The following CTNNA3 variants were observed in gnomAD, a reference collection of about 807,000 sequenced individuals.
The protein encoded by CTNNA3 is catenin alpha-3.
Under a neutral mutation model 95.7 loss-of-function variants are expected in CTNNA3, and 76 were observed. The observed-to-expected ratio is 0.79, with a 90% confidence interval of 0.66 to 0.96. The LOEUF is 0.96. Among genes scored for constraint, CTNNA3 ranks in the 40% least tolerant of loss-of-function variants. The pLI is 0.00. For missense variants in CTNNA3, 1,191 were observed against 1,089.8 expected, an observed-to-expected ratio of 1.09 and a Z score of -1.31; for synonymous variants, 431 against 374.4, an observed-to-expected ratio of 1.15 and a Z score of -1.74.
chr10:65,926,308 G>A (rs186218403), intron 17 of CTNNA3, among the ~76,000 whole-genome samples: 6 of 151,848 alleles, frequency 4.0e-5, no homozygotes. Context: ...GAATATTCTA[G>A]TATGTGTCTT....
intron 6 of CTNNA3, among the ~76,000 whole-genome samples, chr10:67,181,903 T>C (rs1263399999): frequency 6.6e-6 from 1 of 152,054 alleles, no homozygotes; most frequent in Non-Finnish European, 1.5e-5. Flanking sequence ...TTGAGTGAGT[T>C]TCTTAATCCT....
At chr10:66,649,870 C>A (rs898596008) in intron 9 of CTNNA3, among the ~76,000 whole-genome samples, 1 of 152,142 alleles carries the variant, frequency 6.6e-6, no homozygotes, top group Admixed American at 6.6e-5. Context: ...ACCTTGGGAC[C>A]CAGCCTCCAG....
intron 7 of CTNNA3, among the ~76,000 whole-genome samples, chr10:66,790,381 C>A (rs1840922790): frequency 6.6e-6 from 1 of 151,970 alleles, no homozygotes; most frequent in Non-Finnish European, 1.5e-5. Flanking sequence ...GCAGAGGTTG[C>A]AGTGAGCCGA....
chr10:66,944,169 C>G (rs920217784), intron 7 of CTNNA3, among the ~76,000 whole-genome samples: 1 of 152,210 alleles, frequency 6.6e-6, no homozygotes, highest in Non-Finnish European at 1.5e-5. Context: ...AGTCAATCCT[C>G]TCAAACTCTG....
chr10:67,104,177 G>A (rs1465585741), intron 7 of CTNNA3, among the ~76,000 whole-genome samples: 1 of 151,658 alleles, frequency 6.6e-6, no homozygotes, highest in Non-Finnish European at 1.5e-5. Flanking sequence ...ATGGATGAAT[G>A]GTCAATAAAG....
At chr10:66,381,571 A>C (rs2092838907) in intron 11 of CTNNA3, among the ~76,000 whole-genome samples, 1 of 152,158 alleles carries the variant, frequency 6.6e-6, no homozygotes, top group Non-Finnish European at 1.5e-5. Context: ...TGAATGAATG[A>C]ATGAATGAAT....
intron 5 of CTNNA3, among the ~76,000 whole-genome samples, chr10:67,468,957 T>C (rs1847707832): frequency 6.6e-6 from 1 of 152,206 alleles, no homozygotes; most frequent in Admixed American, 6.5e-5. Context: ...GATGAGAACT[T>C]GCATTCGTAT....
chr10:67,124,420 C>T lies in CTNNA3; in HGVS notation c.1047+55897G>A, dbSNP rs192991213. Among the ~76,000 whole-genome samples, 565 of 137,742 alleles carry T rather than the reference C, an allele frequency of 4.1e-3. 2 individuals carry two copies. Among genetic ancestry groups the T allele is most frequent in the Admixed American group, 5.1e-3 (70 of 13,750 alleles). 90.4% of individuals were successfully genotyped at this position (137,742 alleles called of 152,430 possible). On this transcript the variant is annotated intron_variant, in intron 7 of 17. Coordinates refer to ENST00000433211, the MANE Select transcript of CTNNA3 (RefSeq NM_013266.4). ...GGTTCTATGTAAACACTCTTTACTC[C>T]CAATCATAAACAAATCTATATGGAA...
At chr10:67,134,569 A>T (rs1346219753) in intron 7 of CTNNA3, among the ~76,000 whole-genome samples, 1 of 151,988 alleles carries the variant, frequency 6.6e-6, no homozygotes, top group Admixed American at 6.6e-5. Context: ...TGTTACATTG[A>T]CCCTGAACTT....
At chr10:66,685,241 G>GTA (rs1847224277) in intron 9 of CTNNA3, among the ~76,000 whole-genome samples, 1 of 133,882 alleles carries the variant, frequency 7.5e-6, no homozygotes, top group Admixed American at 7.9e-5. Context: ...GTATATATGT[G>GTA]TGTATATATA....
intron 5 of CTNNA3, among the ~76,000 whole-genome samples, chr10:67,257,566 G>A (rs542214519): frequency 4.9e-4 from 75 of 152,228 alleles, no homozygotes; most frequent in African/African-American, 1.7e-3. Context: ...TACTTAGTGA[G>A]ATTTTGTATA....
At chr10:66,633,882 T>C (rs1459247810) in intron 9 of CTNNA3, among the ~76,000 whole-genome samples, 3 of 152,090 alleles carry the variant, frequency 2.0e-5, no homozygotes, top group Non-Finnish European at 4.4e-5. Context: ...AACAGTGAAA[T>C]TAGTTTTCTA....
At chr10:66,968,914 C>T (rs180805869) in intron 7 of CTNNA3, among the ~76,000 whole-genome samples, 10 of 151,800 alleles carry the variant, frequency 6.6e-5, no homozygotes, top group African/African-American at 1.2e-4. Flanking sequence ...CTGCTGGGGG[C>T]GCTGAGGCAG....
intron 1 of CTNNA3, among the ~76,000 whole-genome samples, chr10:67,722,370 AG>A (rs1841184345): frequency 6.6e-6 from 1 of 152,196 alleles, no homozygotes; most frequent in Non-Finnish European, 1.5e-5. Flanking sequence ...ATAGAAGGTG[AG>A]GCAAAGCATG....
intron 11 of CTNNA3, among the ~76,000 whole-genome samples, chr10:66,465,804 T>G (rs181766785): frequency 7.2e-5 from 11 of 152,130 alleles, no homozygotes; most frequent in African/African-American, 2.4e-4. Context: ...TCCAAGAGAT[T>G]ATCTGATAGG....
At chr10:66,374,805 C>CG (rs1564908256) in intron 12 of CTNNA3, among the ~76,000 whole-genome samples, 1 of 151,528 alleles carries the variant, frequency 6.6e-6, no homozygotes, top group Admixed American at 6.6e-5. Context: ...TTTCTAGAGA[C>CG]GGGGTTTCAC....
intron 7 of CTNNA3, among the ~76,000 whole-genome samples, chr10:67,034,637 C>G (rs1198151229): frequency 6.6e-6 from 1 of 152,152 alleles, no homozygotes; most frequent in Non-Finnish European, 1.5e-5. Flanking sequence ...ACAAGAATGG[C>G]CGTGTGTTCT....
intron 12 of CTNNA3, among the ~76,000 whole-genome samples, chr10:66,314,163 C>T (rs2092065638): frequency 1.3e-5 from 2 of 152,040 alleles, no homozygotes; most frequent in South Asian, 4.2e-4. Context: ...TGTTCTTCCC[C>T]GGGAGCTGCA....
chr10:66,044,189 G>T (rs962631358), intron 15 of CTNNA3, among the ~76,000 whole-genome samples: 1 of 152,134 alleles, frequency 6.6e-6, no homozygotes, highest in Non-Finnish European at 1.5e-5. Flanking sequence ...ACGGAGTTTC[G>T]CCATGTTTGC....
Sources: allele counts gnomAD v4.1 joint callset (sites outside exome capture counted in the v4.1 genomes callset), GRCh38; gene constraint gnomAD v4.1.1; transcripts MANE v1.5; gene names NCBI Gene and HGNC (gene_info 2026-07-23, HGNC 2026-07-21).